MTHFD1L: variants seen among roughly 807,000 people sequenced by gnomAD.
MTHFD1L encodes the protein monofunctional C1-tetrahydrofolate synthase, mitochondrial.
In MTHFD1L, 81 loss-of-function variants were observed where a neutral mutation model predicts 119.5. That is an observed-to-expected ratio of 0.68 (90% CI 0.57 to 0.82). MTHFD1L has a LOEUF of 0.82. Among genes scored for constraint, MTHFD1L ranks in the 40% least tolerant of loss-of-function variants. MTHFD1L has a pLI of 0.00. For missense variants in MTHFD1L, 1,125 were observed against 1,253.4 expected (o/e 0.90, Z 1.55); for synonymous variants, 430 against 475.2 (o/e 0.90, Z 1.24).
At chr6:151,055,184 TAA>T (rs1465176475) in intron 26 of MTHFD1L, among the ~76,000 whole-genome samples, 1 of 152,082 alleles carries the variant, frequency 6.6e-6, no homozygotes, top group African/African-American at 2.4e-5. Context: ...AAGAATCGCT[TAA>T]ACCCAGGAGA....
chr6:150,975,318 G>A (rs1231745280), intron 20 of MTHFD1L, among the ~76,000 whole-genome samples: 2 of 152,204 alleles, frequency 1.3e-5, no homozygotes, highest in Non-Finnish European at 2.9e-5. Context: ...TGTCCATGCT[G>A]TGGCTCTGTT....
At chr6:151,003,504 C>G (rs1442230256) in intron 20 of MTHFD1L, among the ~76,000 whole-genome samples, 1 of 151,750 alleles carries the variant, frequency 6.6e-6, no homozygotes, top group East Asian at 2.0e-4. Context: ...TGCATTCCAG[C>G]CTGGGCAAAA....
At chr6:150,924,412 A>G (rs1454742972) in intron 10 of MTHFD1L, among the ~76,000 whole-genome samples, 1 of 152,066 alleles carries the variant, frequency 6.6e-6, no homozygotes, top group Non-Finnish European at 1.5e-5. Context: ...ACCTCAAGTG[A>G]TCTGCCCTCC....
chr6:151,097,222 C>T (rs750275153), intron 27 of MTHFD1L, among the ~76,000 whole-genome samples: 3 of 152,176 alleles, frequency 2.0e-5, no homozygotes, highest in Non-Finnish European at 4.4e-5. Context: ...TGCAAAGTTA[C>T]GTTGAGTACG....
intron 7 of MTHFD1L, among the ~76,000 whole-genome samples, chr6:150,894,535 A>G (rs1247115717): frequency 6.6e-6 from 1 of 152,186 alleles, no homozygotes; most frequent in East Asian, 1.9e-4. Context: ...ATTATTATCA[A>G]CTTTAAGTGA....
rs1343172669 is a variant in MTHFD1L at position 151,014,872 on chromosome 6, TTTTA to T, written c.2308-7_2308-4del. On this transcript the variant is annotated splice_polypyrimidine_tract_variant and splice_region_variant and intron_variant, in intron 22 of 27. Coordinates refer to ENST00000367321, the MANE Select transcript of MTHFD1L (RefSeq NM_015440.5). ...GGGGTCTGGGTTTTGCTTTTTTCTT[TTTTA>T]CAGAACATCCAGCTGGTGGCAGACG... 2 of 1,613,404 alleles carry T rather than the reference TTTTA, an allele frequency of 1.2e-6. No individual in the cohort carries two copies.
intron 7 of MTHFD1L, among the ~76,000 whole-genome samples, chr6:150,900,403 G>A (rs1784922280): frequency 6.6e-6 from 1 of 152,038 alleles, no homozygotes; most frequent in South Asian, 2.1e-4. Context: ...TAAGATTAGT[G>A]CTCCCCAAGG....
rs183734547 is a variant in MTHFD1L, at chr6:150,964,244, C to T, written c.1945-725C>T. Among the ~76,000 whole-genome samples, 17 of 152,252 alleles carry T rather than the reference C, an allele frequency of 1.1e-4. No homozygotes were observed. In the East Asian group the frequency reaches 1.3e-3, roughly 12 times the overall value. On this transcript the variant is annotated intron_variant, in intron 18 of 27. Coordinates refer to ENST00000367321, the MANE Select transcript of MTHFD1L (RefSeq NM_015440.5). Reference sequence around the variant, plus strand: ...TGGCCTTTTTTTGGCACATGTTTTCCGCTAGTTCTCATGCATCATCCCTAT... The same window carrying T: ...TGGCCTTTTTTTGGCACATGTTTTCTGCTAGTTCTCATGCATCATCCCTAT...
At chr6:151,073,110 T>C (rs1450054593) in intron 26 of MTHFD1L, among the ~76,000 whole-genome samples, 1 of 152,098 alleles carries the variant, frequency 6.6e-6, no homozygotes, top group Non-Finnish European at 1.5e-5. Context: ...AGCTCAACTG[T>C]CTCCCTGAGT....
In MTHFD1L at chr6:151,040,946, G is replaced by A. The variant is rs149808685; in HGVS notation, c.2847+3829G>A. Among the ~76,000 whole-genome samples, 1,286 of 152,292 alleles carry A rather than the reference G, an allele frequency of 8.4e-3. 13 individuals carry two copies. Among genetic ancestry groups the A allele is most frequent in the African/African-American group, 0.029 (1,190 of 41,544 alleles). On this transcript the variant is annotated intron_variant, in intron 26 of 27. Coordinates refer to ENST00000367321, the MANE Select transcript of MTHFD1L (RefSeq NM_015440.5). ...ACGACTTGTTAGAAAATGAATGTGTGGAATGGCCCTGGATAGCTGCTGCAG... is the reference window on the plus strand; with the variant it reads ...ACGACTTGTTAGAAAATGAATGTGTAGAATGGCCCTGGATAGCTGCTGCAG...
chr6:150,981,772 C>T (rs1383766971), intron 20 of MTHFD1L, among the ~76,000 whole-genome samples: 1 of 152,150 alleles, frequency 6.6e-6, no homozygotes, highest in Non-Finnish European at 1.5e-5. Context: ...TAATAATACT[C>T]TTCTGATATT....
intron 20 of MTHFD1L, among the ~76,000 whole-genome samples, chr6:150,987,950 T>G (rs1778535880): frequency 6.6e-6 from 1 of 152,226 alleles, no homozygotes; most frequent in Non-Finnish European, 1.5e-5. Flanking sequence ...TTTTGAGGTT[T>G]AGGGCTGTCT....
At chr6:150,942,937 T>C (rs1189238489) in intron 13 of MTHFD1L, among the ~76,000 whole-genome samples, 1 of 152,222 alleles carries the variant, frequency 6.6e-6, no homozygotes, top group Admixed American at 6.5e-5. Context: ...CTACTACTAG[T>C]GTTTTGCAGA....
chr6:151,036,701 T>C (rs983123542), intron 25 of MTHFD1L, among the ~76,000 whole-genome samples: 1 of 152,174 alleles, frequency 6.6e-6, no homozygotes, highest in African/African-American at 2.4e-5. Context: ...TCCCCAAACA[T>C]GCACATAACA....
At chr6:151,061,830 C>T (rs1790681593) in intron 26 of MTHFD1L, among the ~76,000 whole-genome samples, 1 of 152,134 alleles carries the variant, frequency 6.6e-6, no homozygotes, top group Admixed American at 6.5e-5. Context: ...AAAACTGAGT[C>T]CCCAGCGATG....
At chr6:151,085,957 C>G (rs1477619508) in intron 26 of MTHFD1L, among the ~76,000 whole-genome samples, 1 of 151,612 alleles carries the variant, frequency 6.6e-6, no homozygotes, top group Non-Finnish European at 1.5e-5. Context: ...TCCTGGTCAC[C>G]TGGGTGTCCT....
rs1434110394 is a variant in MTHFD1L, at chr6:150,960,293, G to A, written c.1822G>A (p.Val608Met). Reference protein sequence around the residue: ...HYRQAQFDIAVASEIMAVLAL... With the variant: ...HYRQAQFDIAMASEIMAVLAL... The stretch of plus-strand genomic sequence containing the variant: ...GGTTCAGGCGCAGTTTGACATCGCA[G>A]TGGCCAGCGAGATCATGGCGGTGCT... The change falls in exon 18 of 28, where the codon GTG becomes ATG. Residue 608 changes from valine to methionine, a missense_variant. This residue lies in a region of MTHFD1L where 1,058 missense variants were observed against 1,151.2 expected (regional missense o/e 0.92). Coordinates refer to ENST00000367321, the MANE Select transcript of MTHFD1L (RefSeq NM_015440.5). 6.2e-7 allele frequency: 1 copy of A among 1,613,390 alleles called. No individual in the cohort carries two copies. Among genetic ancestry groups the A allele is most frequent in the East Asian group, 2.2e-5 (1 of 44,854 alleles).
chr6:150,898,972 G>A, intron 7 of MTHFD1L: 2 of 1,050,412 alleles, frequency 1.9e-6, no homozygotes, highest in East Asian at 1.0e-4. Context: ...TATTTTTGAT[G>A]AGTCATTAAA....
At chr6:150,953,491 A>G (rs1283276841) in intron 16 of MTHFD1L, among the ~76,000 whole-genome samples, 1 of 152,188 alleles carries the variant, frequency 6.6e-6, no homozygotes. Context: ...CCCTCAATAC[A>G]TACTCCAGGA....
Sources: gnomAD v4.1 joint callset for allele counts (sites outside exome capture counted in the v4.1 genomes callset) on GRCh38, gnomAD v4.1.1 for gene constraint, gnomAD v4.1.1 regional missense constraint, MANE v1.5 for transcripts, NCBI Gene and HGNC (gene_info 2026-07-23, HGNC 2026-07-21) for gene names.